Variants in KDM7A observed in about 807,000 individuals in gnomAD.
KDM7A encodes the protein lysine-specific demethylase 7A.
KDM7A carries 28 observed loss-of-function variants against 114.8 expected under a neutral mutation model. The ratio of observed to expected loss-of-function variants is 0.24; its 90% CI spans 0.18 to 0.33. The LOEUF is 0.33. Ranked by LOEUF, KDM7A falls within the 10% of genes least tolerant of loss-of-function variation. The probability of loss-of-function intolerance (pLI) is 1.00; values close to 1 mark genes in which losing one functional copy is unlikely to be tolerated. For missense variants in KDM7A, 942 were observed against 1,142.5 expected (o/e 0.82, Z 2.53); for synonymous variants, 423 against 397.8 (o/e 1.06, Z -0.75).
At chr7:140,138,441 TATC>T (rs1818904054) in intron 2 of KDM7A, among the ~76,000 whole-genome samples, 1 of 152,178 alleles carries the variant, frequency 6.6e-6, no homozygotes, top group Non-Finnish European at 1.5e-5. Flanking sequence ...TGAAAATAGA[TATC>T]ATATTAGGTG....
chr7:140,100,687 T>TATATATATATATATATATAC (rs1562945948), intron 12 of KDM7A, among the ~76,000 whole-genome samples: 3 of 40,922 alleles, frequency 7.3e-5, no homozygotes, highest in African/African-American at 2.7e-4. Flanking sequence ...TATACATATA[T>TATATATATATATATATATAC]ACATATATAT....
At chr7:140,152,437 C>A (rs1403632661) in intron 1 of KDM7A, among the ~76,000 whole-genome samples, 1 of 152,012 alleles carries the variant, frequency 6.6e-6, no homozygotes, top group Non-Finnish European at 1.5e-5. Context: ...CCAGCCTGGG[C>A]GACAAGGCAA....
At chr7:140,174,815 C>G (rs560818974) in intron 1 of KDM7A, among the ~76,000 whole-genome samples, 1 of 152,186 alleles carries the variant, frequency 6.6e-6, no homozygotes, top group East Asian at 1.9e-4. Flanking sequence ...TGGGGTTTCA[C>G]CATGTTAGCC....
chr7:140,108,324 G>A (rs1010839035), intron 11 of KDM7A, among the ~76,000 whole-genome samples: 23 of 152,280 alleles, frequency 1.5e-4, no homozygotes, highest in Non-Finnish European at 2.9e-4. Context: ...CGTTGCTGAC[G>A]AGAAGCTGCG....
intron 2 of KDM7A, among the ~76,000 whole-genome samples, 161 bp downstream of exon 2, chr7:140,138,944 A>C (rs990426910): frequency 1.2e-4 from 18 of 152,090 alleles, no homozygotes; most frequent in African/African-American, 2.4e-5. Flanking sequence ...TAATGAAACA[A>C]AAACTACATC....
rs1448225748 is a variant in KDM7A, at chr7:140,119,209, T to C, written c.1150A>G (p.Met384Val). The C allele has an allele frequency of 1.3e-6, 2 of 1,590,446 alleles. No homozygotes were observed. Among genetic ancestry groups the C allele is most frequent in the Non-Finnish European group, 1.7e-6 (2 of 1,161,190 alleles). ...NIGMQLRCYE[M>V]EKRLKTPDLF... ...TCTGGTGTTTTTAGCCTTTTCTCCA[T>C]CTCATAACACCTAAATGAGTTTGAA... The change falls in exon 9 of 20, where the codon ATG becomes GTG. Residue 384 changes from methionine (M) to valine (V), a missense_variant. Physicochemically the swap from Met to Val is conservative, Grantham distance 21 (BLOSUM62 1). Transcript: ENST00000397560.
At chr7:140,163,621 T>G (rs1232920288) in intron 1 of KDM7A, among the ~76,000 whole-genome samples, 1 of 152,092 alleles carries the variant, frequency 6.6e-6, no homozygotes, top group African/African-American at 2.4e-5. Flanking sequence ...ATTTTTCTGT[T>G]TGTTTTTTTA....
chr7:140,171,635 A>G (rs1794643294), intron 1 of KDM7A, among the ~76,000 whole-genome samples: 1 of 145,728 alleles, frequency 6.9e-6, no homozygotes, highest in Non-Finnish European at 1.5e-5. Flanking sequence ...ATAAATATAT[A>G]TTTATTTTAT....
intron 1 of KDM7A, among the ~76,000 whole-genome samples, chr7:140,155,185 AGTATTT>A (rs1415130179): frequency 6.6e-6 from 1 of 152,226 alleles, no homozygotes; most frequent in African/African-American, 2.4e-5. Context: ...ATAATTAACA[AGTATTT>A]GTAAGGCACT....
intron 3 of KDM7A, among the ~76,000 whole-genome samples, chr7:140,132,303 G>A (rs975473676): frequency 3.3e-5 from 5 of 152,020 alleles, no homozygotes; most frequent in Non-Finnish European, 5.9e-5. Context: ...TCTATAACCC[G>A]TTCTCATTTG....
At chr7:140,130,516 G>A (rs1227552604) in intron 3 of KDM7A, among the ~76,000 whole-genome samples, 2 of 151,988 alleles carry the variant, frequency 1.3e-5, no homozygotes, top group African/African-American at 4.8e-5. Context: ...AGCTACTTGG[G>A]AGGCTGAGGC....
chr7:140,118,529 C>G (rs1376841028), intron 9 of KDM7A, among the ~76,000 whole-genome samples: 4 of 152,022 alleles, frequency 2.6e-5, no homozygotes, highest in Admixed American at 2.6e-4. Flanking sequence ...CCTCAGCCTC[C>G]CAAGTAGCTG....
At chr7:140,091,258 G>C (rs75405175) in intron 19 of KDM7A, 70 bp from the exon 20 acceptor site, 7 of 1,035,896 alleles carry the variant, frequency 6.8e-6, no homozygotes, top group Non-Finnish European at 1.1e-5. Context: ...GGAAGACTAC[G>C]GGGAGAGCTT....
chr7:140,154,069 G>A (rs1794431360), intron 1 of KDM7A, among the ~76,000 whole-genome samples: 1 of 152,144 alleles, frequency 6.6e-6, no homozygotes, highest in African/African-American at 2.4e-5. Context: ...ACACACCATG[G>A]TGACTGAAAT....
chr7:140,132,067 A>G (rs1585154662), intron 3 of KDM7A, among the ~76,000 whole-genome samples: 1 of 152,212 alleles, frequency 6.6e-6, no homozygotes, highest in Non-Finnish European at 1.5e-5. Flanking sequence ...TAATGTTTTT[A>G]TGTAGAAAAG....
chr7:140,132,767 G>A (rs1431625256), intron 3 of KDM7A, among the ~76,000 whole-genome samples: 1 of 152,170 alleles, frequency 6.6e-6, no homozygotes, highest in East Asian at 1.9e-4. Context: ...AAGGGGCAGG[G>A]GGCTAGAGAG....
At chr7:140,164,612 C>T (rs911769277) in intron 1 of KDM7A, among the ~76,000 whole-genome samples, 8 of 152,158 alleles carry the variant, frequency 5.3e-5, no homozygotes, top group African/African-American at 1.9e-4. Context: ...AAAATTATGA[C>T]ATTTTTGAGA....
At chr7:140,127,734 C>G (rs1818729253) in intron 4 of KDM7A, 151 bp from the exon 5 acceptor site, 19 of 738,918 alleles carry the variant, frequency 2.6e-5, no homozygotes, top group Non-Finnish European at 4.3e-5. Context: ...CTTAATTTCT[C>G]AAGTTCAACT....
Position 140,091,029 on chromosome 7 carries a change from A to C in KDM7A, c.*65T>G. ...CTGCTCCAGGCAGGGGGACAGCGGAAGCTCCAGGCTCCTGCACCCCTAGAC... is the reference window on the plus strand; with the variant it reads ...CTGCTCCAGGCAGGGGGACAGCGGACGCTCCAGGCTCCTGCACCCCTAGAC... On this transcript the variant is annotated 3_prime_UTR_variant, in exon 20 of 20. Coordinates refer to ENST00000397560, the MANE Select transcript of KDM7A (RefSeq NM_030647.2). 1.8e-6 allele frequency: 2 copies of C among 1,131,542 alleles called. No homozygotes were observed. The highest frequency in any genetic ancestry group is 2.0e-4 in the Middle Eastern group (1 of 5,054). The allele number at this position is 1,131,542 out of a possible 1,614,324, so 70.1% of individuals were successfully genotyped here.
Sources: gnomAD v4.1 joint callset for allele counts (sites outside exome capture counted in the v4.1 genomes callset) on GRCh38, gnomAD v4.1.1 for gene constraint, MANE v1.5 for transcripts, NCBI Gene and HGNC (gene_info 2026-07-23, HGNC 2026-07-21) for gene names.